GRM7: variants seen among roughly 807,000 people sequenced by gnomAD.
GRM7 encodes the protein metabotropic glutamate receptor 7.
A neutral mutation model predicts 84.5 loss-of-function variants in GRM7; 35 were observed. The ratio of observed to expected loss-of-function variants is 0.41; its 90% CI spans 0.32 to 0.55. The LOEUF is 0.55. Ranked by LOEUF, GRM7 falls within the 20% of genes least tolerant of loss-of-function variation. GRM7 has a pLI of 0.19. For missense variants in GRM7, 1,003 were observed against 1,194.6 expected (o/e 0.84, Z 2.36); for synonymous variants, 487 against 455.1 (o/e 1.07, Z -0.89).
intron 2 of GRM7, among the ~76,000 whole-genome samples, chr3:7,282,753 A>G (rs529532646): frequency 1.3e-5 from 2 of 152,180 alleles, no homozygotes; most frequent in African/African-American, 2.4e-5. Context: ...AATGTTTAAT[A>G]TATTAAAGCT....
At chr3:7,490,544 C>G (rs957550387) in intron 7 of GRM7, among the ~76,000 whole-genome samples, 11 of 152,106 alleles carry the variant, frequency 7.2e-5, no homozygotes, top group African/African-American at 2.7e-4. Context: ...GTTGAAATAT[C>G]ACTTGTTGTA....
chr3:7,683,527 A>G (rs1700460738), intron 9 of GRM7, among the ~76,000 whole-genome samples: 1 of 152,204 alleles, frequency 6.6e-6, no homozygotes, highest in Non-Finnish European at 1.5e-5. Flanking sequence ...GAGGAGATTC[A>G]TGTACCTCCA....
At position 7,500,443 on chromosome 3, in the gene GRM7, T is replaced by C. The variant is rs536155726; in HGVS notation, c.1515+38721T>C. On this transcript the variant is annotated intron_variant, in intron 7 of 9. Coordinates refer to ENST00000357716, the MANE Select transcript of GRM7 (RefSeq NM_000844.4). ...CTTGGAATTCCAAATTCAGCTCTTC[T>C]GCCAGGGGGCCAGTTTCTTCAACTT... Among the ~76,000 whole-genome samples the C allele has an allele frequency of 2.6e-5, 4 of 152,368 alleles. No individual in the cohort carries two copies. In the South Asian group the frequency reaches 8.3e-4, roughly 32 times the overall value.
chr3:7,467,340 G>A lies in GRM7; in HGVS notation c.1515+5618G>A, dbSNP rs563637344. Among the ~76,000 whole-genome samples, 11 of 152,270 alleles carry A rather than the reference G, an allele frequency of 7.2e-5. 1 individual carries two copies. In the South Asian group the frequency reaches 2.1e-3, roughly 29 times the overall value. ...CTGACCTTGTAATCAGTCCGCCTGA[G>A]CCTCCCAAAGTGCTGGGATTACAGG... On this transcript the variant is annotated intron_variant, in intron 7 of 9. Coordinates refer to ENST00000357716, the MANE Select transcript of GRM7 (RefSeq NM_000844.4).
At chr3:7,424,202 A>G (rs1170533104) in intron 5 of GRM7, among the ~76,000 whole-genome samples, 1 of 152,086 alleles carries the variant, frequency 6.6e-6, no homozygotes, top group Non-Finnish European at 1.5e-5. Flanking sequence ...AATACCTGGT[A>G]GGGATAGAGG....
chr3:7,494,803 A>G (rs1575415893), intron 7 of GRM7, among the ~76,000 whole-genome samples: 1 of 152,250 alleles, frequency 6.6e-6, no homozygotes, highest in Admixed American at 6.5e-5. Context: ...CTTTTTCATA[A>G]TATTATTTCC....
intron 2 of GRM7, among the ~76,000 whole-genome samples, chr3:7,187,047 C>G (rs1695542619): frequency 6.6e-6 from 1 of 152,094 alleles, no homozygotes; most frequent in Non-Finnish European, 1.5e-5. Context: ...GCTCTTTGAT[C>G]ACTCCAGTGT....
chr3:7,641,387 T>C (rs892574977), intron 8 of GRM7, among the ~76,000 whole-genome samples: 1 of 152,150 alleles, frequency 6.6e-6, no homozygotes, highest in African/African-American at 2.4e-5. Flanking sequence ...CCATATTATA[T>C]GACAAACTAA....
intron 8 of GRM7, among the ~76,000 whole-genome samples, chr3:7,591,122 A>T (rs1003604890): frequency 6.6e-6 from 1 of 152,222 alleles, no homozygotes; most frequent in African/African-American, 2.4e-5. Flanking sequence ...AAAATAAGAA[A>T]GTAGGTTTAT....
rs983062360 is a variant in GRM7, at chr3:7,429,374, G to A, written c.1174+14211G>A. ...CATTTTTGGACAATTGAAATATATTGCTAAGCCGTTTTCTGAAAGCACTCT... is the reference window on the plus strand; with the variant it reads ...CATTTTTGGACAATTGAAATATATTACTAAGCCGTTTTCTGAAAGCACTCT... On this transcript the variant is annotated intron_variant, in intron 5 of 9. Transcript: ENST00000357716. Among the ~76,000 whole-genome samples, 7 of 152,086 alleles carry A rather than the reference G, an allele frequency of 4.6e-5. No individual in the cohort carries two copies. In the East Asian group the frequency reaches 1.3e-3, roughly 29 times the overall value.
intron 1 of GRM7, among the ~76,000 whole-genome samples, chr3:7,034,524 T>TATAC (rs1436874612): frequency 1.3e-5 from 2 of 152,198 alleles, no homozygotes; most frequent in African/African-American, 2.4e-5. Flanking sequence ...TTTGTGTATA[T>TATAC]GTACATACAT....
chr3:6,986,602 T>C (rs1033363360), intron 1 of GRM7, among the ~76,000 whole-genome samples: 10 of 152,174 alleles, frequency 6.6e-5, no homozygotes, highest in African/African-American at 2.4e-4. Context: ...ACTGTGATGA[T>C]TTTCTAAGCT....
At chr3:7,693,526 A>C in intron 9 of GRM7, 7 of 716,666 alleles carry the variant, frequency 9.8e-6, no homozygotes, top group Non-Finnish European at 1.7e-5. Context: ...CTTGGACCTT[A>C]ATTCCTCTTT....
intron 4 of GRM7, among the ~76,000 whole-genome samples, chr3:7,359,031 A>G (rs1476715019): frequency 2.1e-5 from 3 of 145,364 alleles, no homozygotes; most frequent in African/African-American, 5.2e-5. Flanking sequence ...AGACAGGAGG[A>G]TCACTTGAAC....
At chr3:6,954,396 T>C (rs1692932475) in intron 1 of GRM7, among the ~76,000 whole-genome samples, 5 of 152,238 alleles carry the variant, frequency 3.3e-5, no homozygotes, top group Admixed American at 3.3e-4. Flanking sequence ...TATGCTGCAA[T>C]GAAAGCATAA....
At chr3:7,086,327 T>C (rs1698457669) in intron 1 of GRM7, among the ~76,000 whole-genome samples, 1 of 151,950 alleles carries the variant, frequency 6.6e-6, no homozygotes, top group Non-Finnish European at 1.5e-5. Context: ...CTTATAAATA[T>C]ATATCTTAAA....
intron 1 of GRM7, among the ~76,000 whole-genome samples, chr3:6,990,355 G>T (rs1499151): frequency 0.35 from 52,909 of 152,042 alleles, 9,609 homozygotes; most frequent in Non-Finnish European, 0.41. Context: ...GACTCTTAAG[G>T]GGAGTTAGAA....
chr3:7,156,745 G>A (rs778801631), intron 2 of GRM7, among the ~76,000 whole-genome samples: 6 of 152,060 alleles, frequency 3.9e-5, no homozygotes, highest in Non-Finnish European at 7.4e-5. Flanking sequence ...TTATGCTGCG[G>A]AAGGGAGGAA....
At chr3:7,344,318 C>T (rs565881217) in intron 4 of GRM7, among the ~76,000 whole-genome samples, 1 of 152,068 alleles carries the variant, frequency 6.6e-6, no homozygotes, top group Non-Finnish European at 1.5e-5. Flanking sequence ...TTGTTTAGTT[C>T]CAACTTATAA....
Sources: gnomAD v4.1 joint callset for allele counts (sites outside exome capture counted in the v4.1 genomes callset) on GRCh38, gnomAD v4.1.1 for gene constraint, MANE v1.5 for transcripts, NCBI Gene and HGNC (gene_info 2026-07-23, HGNC 2026-07-21) for gene names.